PARD3B: variants seen among roughly 807,000 people sequenced by gnomAD.
PARD3B encodes the protein par-3 family cell polarity regulator beta.
Under a neutral mutation model 130.2 loss-of-function variants are expected in PARD3B, and 103 were observed. The ratio of observed to expected loss-of-function variants is 0.79; its 90% CI spans 0.67 to 0.93. The LOEUF is 0.93. Among genes scored for constraint, PARD3B ranks in the 40% least tolerant of loss-of-function variants. The pLI is 0.00. For synonymous variants in PARD3B, 583 were observed against 553.2 expected, an observed-to-expected ratio of 1.05 and a Z score of -0.76; for missense variants, 1,609 against 1,499.2, an observed-to-expected ratio of 1.07 and a Z score of -1.21.
intron 20 of PARD3B, among the ~76,000 whole-genome samples, chr2:205,472,456 C>G (rs2048868817): frequency 6.6e-6 from 1 of 151,952 alleles, no homozygotes; most frequent in Admixed American, 6.6e-5. Flanking sequence ...GGCCATCATA[C>G]TGAGTTTTAT....
At chr2:205,047,873 A>G (rs768209821) in intron 4 of PARD3B, 183 bp downstream of exon 4, 6 of 467,996 alleles carry the variant, frequency 1.3e-5, no homozygotes, top group Non-Finnish European at 2.3e-5. Context: ...AGCGATAGCT[A>G]TTACGTATAT....
chr2:205,576,318 CTTT>C (rs200866403), intron 22 of PARD3B, among the ~76,000 whole-genome samples: 7 of 134,646 alleles, frequency 5.2e-5, no homozygotes, highest in Non-Finnish European at 9.7e-5. Context: ...CAATTGGTGG[CTTT>C]TTTTTTTTTC....
In PARD3B at chr2:205,248,113, A is replaced by T. The variant is rs528257723; in HGVS notation, c.2185+2291A>T. Among the ~76,000 whole-genome samples the T allele has an allele frequency of 4.1e-3, 623 of 151,122 alleles. 1 individual carries two copies. The highest frequency in any genetic ancestry group is 0.012 in the African/African-American group (506 of 41,134). The stretch of plus-strand genomic sequence containing the variant: ...CCAGCTAACTTTTATTTTTATTTTT[A>T]TTTTTTTTGTAGAAATGGGATTTTG... On this transcript the variant is annotated intron_variant, in intron 16 of 22. Transcript: ENST00000406610.
chr2:205,313,074 TGAGA>T (rs1045432717), intron 18 of PARD3B, among the ~76,000 whole-genome samples: 5 of 152,136 alleles, frequency 3.3e-5, no homozygotes, highest in African/African-American at 1.2e-4. Context: ...TGTAAAAAAA[TGAGA>T]GAGAGTGCTA....
intron 2 of PARD3B, among the ~76,000 whole-genome samples, chr2:204,779,303 T>G (rs2041754627): frequency 6.6e-6 from 1 of 152,122 alleles, no homozygotes; most frequent in Admixed American, 6.5e-5. Context: ...AATTGCCAAG[T>G]CCTCAGTGCA....
chr2:204,600,368 G>C (rs1213761799), intron 1 of PARD3B, among the ~76,000 whole-genome samples: 1 of 151,622 alleles, frequency 6.6e-6, no homozygotes, highest in Non-Finnish European at 1.5e-5. Context: ...ATGGGAGTCT[G>C]TTCTTTTTTC....
chr2:205,351,017 AATG>A lies in PARD3B; in HGVS notation c.2630+49319_2630+49321del, dbSNP rs1322455579. 6.6e-6 allele frequency among the ~76,000 whole-genome samples: 1 copy of A among 152,220 alleles called. No individual in the cohort carries two copies. The highest frequency in any genetic ancestry group is 1.5e-5 in the Non-Finnish European group (1 of 68,024). Reference sequence around the variant, plus strand: ...AATTTTACTAATTGCATATCAAAACAATGATAAGAGCAACTTCTAAAAAAATCT... The same window carrying A: ...AATTTTACTAATTGCATATCAAAACAATAAGAGCAACTTCTAAAAAAATCT... On this transcript the variant is annotated intron_variant, in intron 18 of 22. Coordinates refer to ENST00000406610, the MANE Select transcript of PARD3B (RefSeq NM_001302769.2). The surrounding 1 kb of genome is among the most constrained non-coding windows in gnomAD (Gnocchi z 4.2).
At chr2:205,045,528 G>T (rs1484188320) in intron 3 of PARD3B, among the ~76,000 whole-genome samples, 1 of 151,922 alleles carries the variant, frequency 6.6e-6, no homozygotes, top group East Asian at 1.9e-4. Flanking sequence ...GATTATAGGC[G>T]TGAGCCACTG....
intron 2 of PARD3B, among the ~76,000 whole-genome samples, chr2:204,739,165 T>G (rs2039888530): frequency 1.3e-5 from 2 of 152,322 alleles, no homozygotes; most frequent in African/African-American, 4.8e-5. Flanking sequence ...TACTTCACTG[T>G]ACCTCAGCAT....
chr2:204,720,987 G>A (rs2038970389), intron 2 of PARD3B, among the ~76,000 whole-genome samples: 1 of 151,938 alleles, frequency 6.6e-6, no homozygotes, highest in East Asian at 1.9e-4. Context: ...AGACTCTTGG[G>A]TGCCACCCCA....
chr2:205,053,638 T>A (rs1699390422), intron 4 of PARD3B, among the ~76,000 whole-genome samples: 1 of 147,054 alleles, frequency 6.8e-6, no homozygotes, highest in Non-Finnish European at 1.5e-5. Flanking sequence ...GAAAACTCCA[T>A]CTCAAAAAAA....
At chr2:204,900,912 A>G (rs2046830045) in intron 2 of PARD3B, among the ~76,000 whole-genome samples, 1 of 152,150 alleles carries the variant, frequency 6.6e-6, no homozygotes, top group South Asian at 2.1e-4. Flanking sequence ...AAGATCTGGA[A>G]GAGTTCTGTG....
chr2:205,598,508 A>G (rs1480478947), intron 22 of PARD3B, among the ~76,000 whole-genome samples: 1 of 152,178 alleles, frequency 6.6e-6, no homozygotes, highest in East Asian at 1.9e-4. Context: ...TAGCCACACA[A>G]TAATAGTGGG....
At chr2:204,634,609 A>G (rs2034805771) in intron 1 of PARD3B, among the ~76,000 whole-genome samples, 1 of 152,038 alleles carries the variant, frequency 6.6e-6, no homozygotes, top group East Asian at 1.9e-4. Context: ...CTCATTCTCC[A>G]GAGTCTGTAT....
chr2:205,606,806 CCAGGTTATTTGCAGAG>C (rs751316278), intron 22 of PARD3B, among the ~76,000 whole-genome samples: 1 of 152,110 alleles, frequency 6.6e-6, no homozygotes, highest in Non-Finnish European at 1.5e-5. Context: ...TATTTATATT[CCAGGTTATTTGCAGAG>C]CAGGTAACAC....
At chr2:204,615,345 T>G (rs2034070734) in intron 1 of PARD3B, among the ~76,000 whole-genome samples, 1 of 152,332 alleles carries the variant, frequency 6.6e-6, no homozygotes, top group East Asian at 1.9e-4. Context: ...TTTGTCTGTC[T>G]TGTCCTTTGA....
intron 2 of PARD3B, among the ~76,000 whole-genome samples, chr2:204,783,446 T>C (rs1313024660): frequency 6.6e-6 from 1 of 152,112 alleles, no homozygotes; most frequent in Admixed American, 6.5e-5. Context: ...TATTACTTCA[T>C]TTAACCTTAA....
rs948040921 is a variant in PARD3B, at chr2:205,365,241, A to G, written c.2631-35772A>G. On this transcript the variant is annotated intron_variant, in intron 18 of 22. Transcript: ENST00000406610. ...AATTAGCTGGGCATGGTATGGTGGCAGGCGCCTGTAATCCTAGCTACTTGG... is the reference window on the plus strand; with the variant it reads ...AATTAGCTGGGCATGGTATGGTGGCGGGCGCCTGTAATCCTAGCTACTTGG... Among the ~76,000 whole-genome samples, 7 of 151,526 alleles carry G rather than the reference A, an allele frequency of 4.6e-5. 1 individual carries two copies. In the South Asian group the frequency reaches 1.5e-3, roughly 32 times the overall value.
At chr2:205,383,491 T>G (rs1056756848) in intron 18 of PARD3B, among the ~76,000 whole-genome samples, 2 of 152,098 alleles carry the variant, frequency 1.3e-5, no homozygotes, top group African/African-American at 4.8e-5. Flanking sequence ...TGATACTTAG[T>G]TATTTTCTTT....
Sources: allele counts gnomAD v4.1 joint callset (sites outside exome capture counted in the v4.1 genomes callset), GRCh38; gene constraint gnomAD v4.1.1; non-coding constraint Gnocchi (gnomAD v3.1); transcripts MANE v1.5; gene names NCBI Gene and HGNC (gene_info 2026-07-23, HGNC 2026-07-21).